Variants in CLIP4 observed in about 807,000 individuals in gnomAD.
CLIP4 encodes the protein CAP-Gly domain-containing linker protein 4.
CLIP4 carries 47 observed loss-of-function variants against 73.1 expected under a neutral mutation model. The ratio of observed to expected loss-of-function variants is 0.64; its 90% confidence interval spans 0.51 to 0.82. CLIP4 has a LOEUF of 0.82. Ranked by LOEUF, CLIP4 falls within the 40% of genes least tolerant of loss-of-function variation. The pLI, the probability that CLIP4 is intolerant of heterozygous loss-of-function variation, is 0.00. For missense variants in CLIP4, 874 were observed against 852.9 expected, an observed-to-expected ratio of 1.02 and a Z score of -0.31; for synonymous variants, 306 against 295.4, an observed-to-expected ratio of 1.04 and a Z score of -0.37.
intron 1 of CLIP4, among the ~76,000 whole-genome samples, chr2:29,105,057 A>G (rs1183359075): frequency 3.9e-5 from 6 of 152,220 alleles, no homozygotes; most frequent in African/African-American, 1.4e-4. Context: ...TTATTACATA[A>G]TAACCAAGTG....
In CLIP4 at chr2:29,135,579, T is replaced by G; in HGVS notation, c.561T>G (p.Phe187Leu). The change falls in exon 6 of 16, where the codon TTT becomes TTG. Residue 187 changes from phenylalanine to leucine, a missense_variant. Transcript: ENST00000320081. ...ATGCCACTTGCAGTGATTTTAATTTTGGAACAGCTTTGCATATTGCAGCAT... is the reference window on the plus strand; with the variant it reads ...ATGCCACTTGCAGTGATTTTAATTTGGGAACAGCTTTGCATATTGCAGCAT... Reference protein sequence around the residue: ...DVDATCSDFNFGTALHIAAYN... With the variant: ...DVDATCSDFNLGTALHIAAYN... 2 of 1,609,036 alleles carry G rather than the reference T, an allele frequency of 1.2e-6. No homozygotes were observed. The highest frequency in any genetic ancestry group is 1.7e-6 in the Non-Finnish European group (2 of 1,178,246).
intron 2 of CLIP4, among the ~76,000 whole-genome samples, chr2:29,128,304 T>A (rs532677827): frequency 6.6e-6 from 1 of 151,944 alleles, no homozygotes; most frequent in East Asian, 1.9e-4. Flanking sequence ...TTGAGACGTT[T>A]ATAAAAAGAA....
At chr2:29,107,606 C>T (rs542876094) in intron 1 of CLIP4, among the ~76,000 whole-genome samples, 14 of 151,796 alleles carry the variant, frequency 9.2e-5, no homozygotes, top group East Asian at 5.8e-4. Flanking sequence ...AAGCTCCTGA[C>T]GTTGTGATCC....
At chr2:29,145,664 A>G (rs1666111535) in intron 8 of CLIP4, among the ~76,000 whole-genome samples, 1 of 152,150 alleles carries the variant, frequency 6.6e-6, no homozygotes, top group Non-Finnish European at 1.5e-5. Context: ...CTTGCATTAG[A>G]TCAGGCGCAG....
At chr2:29,137,341 T>C (rs190687882) in intron 6 of CLIP4, among the ~76,000 whole-genome samples, 1 of 152,328 alleles carries the variant, frequency 6.6e-6, no homozygotes, top group Non-Finnish European at 1.5e-5. Context: ...GCATCCATGT[T>C]GTTGCAAAGG....
intron 2 of CLIP4, among the ~76,000 whole-genome samples, chr2:29,129,860 A>AT (rs1301130805): frequency 3.9e-5 from 6 of 152,080 alleles, no homozygotes; most frequent in East Asian, 1.9e-4. Flanking sequence ...AAGTTCACCT[A>AT]TTTTTTCTTG....
intron 6 of CLIP4, among the ~76,000 whole-genome samples, chr2:29,138,601 A>T (rs939495907): frequency 1.3e-5 from 2 of 152,020 alleles, no homozygotes; most frequent in Admixed American, 1.3e-4. Context: ...GCTTTGGGCA[A>T]TGTGGACATT....
At position 29,181,700 on chromosome 2, in the gene CLIP4, A is replaced by T; in HGVS notation, c.1925A>T (p.Tyr642Phe). ...TSSNEMGTVR[Y>F]VGPTDFASGI... The stretch of plus-strand genomic sequence containing the variant: ...TCCAATGAGATGGGTACTGTTAGGT[A>T]TGTGGGCCCCACTGACTTTGCTTCA... The change falls in exon 16 of 16, where the codon TAT becomes TTT. Residue 642 changes from tyrosine to phenylalanine, a missense_variant. Physicochemically the swap from Tyr to Phe is conservative, Grantham distance 22. Transcript: ENST00000320081. The T allele has an allele frequency of 6.2e-7, 1 of 1,614,196 alleles. No homozygotes were observed. Among genetic ancestry groups the T allele is most frequent in the Non-Finnish European group, 8.5e-7 (1 of 1,180,032 alleles).
intron 9 of CLIP4, among the ~76,000 whole-genome samples, chr2:29,153,683 A>C (rs1666732923): frequency 6.6e-6 from 1 of 152,204 alleles, no homozygotes; most frequent in Non-Finnish European, 1.5e-5. Flanking sequence ...ACACTTGGTA[A>C]TTTGTAAATA....
At chr2:29,167,879 TTTTG>T (rs1347995549) in intron 14 of CLIP4, 19 of 177,644 alleles carry the variant, frequency 1.1e-4, no homozygotes, top group Admixed American at 1.9e-4. Flanking sequence ...ATGTGTTCAG[TTTTG>T]TTTGTTTGCT....
chr2:29,164,209 C>T (rs559136193), intron 13 of CLIP4, among the ~76,000 whole-genome samples: 1 of 152,276 alleles, frequency 6.6e-6, no homozygotes, highest in Admixed American at 6.5e-5. Flanking sequence ...TTAGAAGTGG[C>T]GTTTGCAGCT....
intron 1 of CLIP4, among the ~76,000 whole-genome samples, chr2:29,107,367 T>TTTTTTTTTTTGTTTTTTTTGTTTTTTTTG (rs1668247893): frequency 2.5e-4 from 28 of 111,204 alleles, no homozygotes; most frequent in African/African-American, 1.0e-3. Flanking sequence ...AGTTTTTTTT[T>TTTTTTTTTTTGTTTTTTTTGTTTTTTTTG]TTTTTTTTTT....
At chr2:29,149,457 G>A (rs1481918211) in intron 8 of CLIP4, among the ~76,000 whole-genome samples, 2 of 131,022 alleles carry the variant, frequency 1.5e-5, no homozygotes, top group South Asian at 4.7e-4. Context: ...ATTCCTTACC[G>A]ATATTTTAGT....
At position 29,174,447 on chromosome 2, in the gene CLIP4, T is replaced by C; in HGVS notation, c.1796+2T>C. ...TAACAGAAGAAATGCTTTTTCCAAG[T>C]GAGTATTAAGAAGATTTAGAAAAAC... On this transcript the variant is annotated splice_donor_variant, in intron 15 of 15. Transcript: ENST00000320081. LOFTEE classifies it high-confidence loss of function. 1 of 1,610,932 alleles carries C rather than the reference T, an allele frequency of 6.2e-7. No homozygotes were observed. Among genetic ancestry groups the C allele is most frequent in the Non-Finnish European group, 8.5e-7 (1 of 1,179,390 alleles).
chr2:29,132,590 C>T (rs764233603), intron 4 of CLIP4: 26 of 220,698 alleles, frequency 1.2e-4, no homozygotes, highest in Non-Finnish European at 2.0e-4. Context: ...ATCTTAAGAC[C>T]CCAGTCTTGA....
intron 1 of CLIP4, among the ~76,000 whole-genome samples, chr2:29,102,853 A>G (rs895606901): frequency 2.6e-5 from 4 of 152,010 alleles, no homozygotes; most frequent in Non-Finnish European, 5.9e-5. Context: ...CACGAACTCA[A>G]GTGATCTGCC....
Position 29,174,768 on chromosome 2 carries a change from TGA to T in CLIP4, c.1796+328_1796+329del, listed in dbSNP as rs1374004719. 7.6e-6 allele frequency: 5 copies of T among 656,562 alleles called. No homozygotes were observed. In the Admixed American group the frequency reaches 3.0e-4, roughly 39 times the overall value. The allele number at this position is 656,562 out of a possible 1,614,324, so 40.7% of individuals were successfully genotyped here. A position where few individuals can be genotyped will look rare whatever the true frequency, so the allele number is the denominator to read the frequency against. ...TTGCTTTTAAACTCTCCTTAAGTAA[TGA>T]GAGATTTGATTTAATATTGTCAGTG... On this transcript the variant is annotated intron_variant, in intron 15 of 15. Transcript: ENST00000320081.
At chr2:29,118,905 A>G (rs1051451241) in intron 1 of CLIP4, among the ~76,000 whole-genome samples, 3 of 152,182 alleles carry the variant, frequency 2.0e-5, no homozygotes, top group African/African-American at 4.8e-5. Flanking sequence ...ATTTGGAATG[A>G]AAGTGTGTAC....
intron 1 of CLIP4, among the ~76,000 whole-genome samples, chr2:29,106,646 ACTCT>A (rs1668215361): frequency 6.6e-6 from 1 of 152,010 alleles, no homozygotes; most frequent in Non-Finnish European, 1.5e-5. Flanking sequence ...CAACCATGAC[ACTCT>A]CTATTTTACT....
Sources: gnomAD v4.1 joint callset for allele counts (sites outside exome capture counted in the v4.1 genomes callset) on GRCh38, gnomAD v4.1.1 for gene constraint, MANE v1.5 for transcripts, NCBI Gene and HGNC (gene_info 2026-07-23, HGNC 2026-07-21) for gene names.